C4orf50: variants seen among roughly 807,000 people sequenced by gnomAD.
The protein encoded by C4orf50 is chromosome 4 open reading frame 50.
In C4orf50, 80 loss-of-function variants were observed where a neutral mutation model predicts 77.2. The observed-to-expected ratio is 1.04, with a 90% CI of 0.87 to 1.25. C4orf50 has a LOEUF of 1.25. Ranked by LOEUF, C4orf50 falls within the 50% of genes most tolerant of loss-of-function variation. The probability of loss-of-function intolerance (pLI) is 0.00; values close to 1 mark genes in which losing one functional copy is unlikely to be tolerated. For missense variants in C4orf50, 1,257 were observed against 1,152.9 expected, an observed-to-expected ratio of 1.09 and a Z score of -1.31; for synonymous variants, 532 against 465.3, an observed-to-expected ratio of 1.14 and a Z score of -1.84.
At position 5,950,456 on chromosome 4, in the gene C4orf50, G is replaced by A. The variant is rs945691240; in HGVS notation, c.*2474+6445C>T. On this transcript the variant is annotated intron_variant, in intron 7 of 7. Transcript: ENST00000324058. ...CATTGTCGACGTTGCTGATGACTAC[G>A]TGAGGTTCCTTTTATTATTCTCTGT... Among the ~76,000 whole-genome samples the A allele has an allele frequency of 3.3e-5, 5 of 152,164 alleles. No homozygotes were observed. In the South Asian group the frequency reaches 8.3e-4, roughly 25 times the overall value.
At chr4:5,973,684 G>T in exon 31 of C4orf50, 1 of 1,613,396 alleles carries the variant, frequency 6.2e-7, no homozygotes, top group Non-Finnish European at 8.5e-7. Flanking sequence ...AGCCAGGAAG[G>T]TGGCCGTGTA....
At chr4:5,980,418 TC>T in intron 28 of C4orf50, 80 bp from the exon 7 acceptor site, 1 of 1,303,318 alleles carries the variant, frequency 7.7e-7, no homozygotes, top group Non-Finnish European at 1.0e-6. Flanking sequence ...GGTACCCGTT[TC>T]CCCACTCCGT....
chr4:5,986,971 C>A (rs1256049821), intron 28 of C4orf50, among the ~76,000 whole-genome samples: 1 of 152,122 alleles, frequency 6.6e-6, no homozygotes, highest in Non-Finnish European at 1.5e-5. Flanking sequence ...GACTTCATCT[C>A]AAAATGTGTG....
chr4:5,929,845 G>T (rs1263775137), intron 7 of C4orf50, among the ~76,000 whole-genome samples: 1 of 152,226 alleles, frequency 6.6e-6, no homozygotes, highest in East Asian at 1.9e-4. Context: ...GCAATTAAGT[G>T]TTGAAGATGC....
chr4:5,897,692 C>G (rs889889056), exon 8 of C4orf50: 2 of 152,196 alleles, frequency 1.3e-5, no homozygotes, highest in African/African-American at 4.8e-5. Flanking sequence ...ATCTCAGTAA[C>G]AAGAGAAAAT....
Position 5,988,413 on chromosome 4 carries a change from CT to C in C4orf50, c.3632del (p.Glu1211GlyfsTer15). On this transcript the variant is annotated frameshift_variant, in exon 28 of 34. Coordinates refer to ENST00000531445, the Ensembl canonical transcript of C4orf50. LOFTEE classifies it high-confidence loss of function. ...CCACAGAACACCTGGGCCTCTTCTC[CT>C]CTTTCTCCAAATGTGCTTCTTTCAC... is the stretch of plus-strand genomic sequence containing the variant. The C allele has an allele frequency of 6.2e-7, 1 of 1,610,916 alleles. No homozygotes were observed. The highest frequency in any genetic ancestry group is 8.5e-7 in the Non-Finnish European group (1 of 1,179,306).
intron 7 of C4orf50, among the ~76,000 whole-genome samples, chr4:5,944,082 G>A (rs1455511222): frequency 2.6e-5 from 4 of 152,164 alleles, no homozygotes; most frequent in Non-Finnish European, 5.9e-5. Context: ...GACATACAGA[G>A]ACAAATAGAC....
intron 26 of C4orf50, 129 bp from the exon 5 acceptor site, chr4:5,993,059 C>CG (rs1408452160): frequency 3.3e-5 from 13 of 396,470 alleles, no homozygotes; most frequent in Non-Finnish European, 4.9e-5. Flanking sequence ...GTGAGCCTCC[C>CG]AAGGGCAGCC....
At chr4:5,912,256 CGTGTGTGTGTGTGTGTGT>C (rs58017259) in intron 7 of C4orf50, among the ~76,000 whole-genome samples, 1 of 146,312 alleles carries the variant, frequency 6.8e-6, no homozygotes, top group Admixed American at 6.8e-5. Flanking sequence ...GCACTCCACT[CGTGTGTGTGTGTGTGTGT>C]GTGTGTGTGT....
At chr4:5,979,900 G>A (rs1466234848) in intron 29 of C4orf50, among the ~76,000 whole-genome samples, 1 of 152,178 alleles carries the variant, frequency 6.6e-6, no homozygotes, top group Non-Finnish European at 1.5e-5. Context: ...CAGAGGAAAG[G>A]CTTTGACTTT....
intron 7 of C4orf50, among the ~76,000 whole-genome samples, chr4:5,934,209 G>A (rs543586576): frequency 2.6e-5 from 4 of 152,140 alleles, no homozygotes; most frequent in East Asian, 1.9e-4. Context: ...GTAAGGCGAG[G>A]TGGACAGTGT....
rs1716525316 is a variant in C4orf50, at chr4:5,905,830, G to GTGATCTGGGA, written c.*2475-7643_*2475-7642insTCCCAGATCA. Among the ~76,000 whole-genome samples the GTGATCTGGGA allele has an allele frequency of 6.6e-6, 1 of 151,790 alleles. No homozygotes were observed. The highest frequency in any genetic ancestry group is 1.5e-5 in the Non-Finnish European group (1 of 68,036). On this transcript the variant is annotated intron_variant, in intron 7 of 7. Coordinates refer to the C4orf50 transcript ENST00000324058. The surrounding 1 kb of genome is among the most constrained non-coding windows in gnomAD (Gnocchi z 5.4). ...AACTGAAGAAGAAAGACAAACTGGG[G>GTGATCTGGGA]TGCTCTGGGATGTCGTCATTTGTTC...
intron 7 of C4orf50, chr4:5,904,521 G>T (rs1009636907): frequency 2.0e-5 from 3 of 152,246 alleles, no homozygotes; most frequent in African/African-American, 7.2e-5. Flanking sequence ...GCCACTGGAA[G>T]ACTGTGCCAC....
At chr4:5,968,840 A>C (rs1273161918) in intron 31 of C4orf50, among the ~76,000 whole-genome samples, 1 of 152,182 alleles carries the variant, frequency 6.6e-6, no homozygotes, top group African/African-American at 2.4e-5. Flanking sequence ...ATACACCGAC[A>C]GAGTAGCCTC....
intron 25 of C4orf50, among the ~76,000 whole-genome samples, chr4:5,995,554 C>T (rs373259539): frequency 3.3e-5 from 5 of 151,644 alleles, no homozygotes; most frequent in African/African-American, 1.2e-4. Context: ...GGGCTGGGCA[C>T]AGGTCTCCTC....
chr4:5,956,261 T>C (rs964885026), downstream of C4orf50, among the ~76,000 whole-genome samples: 1 of 152,190 alleles, frequency 6.6e-6, no homozygotes, highest in African/African-American at 2.4e-5. Flanking sequence ...TCATGATTTC[T>C]CCTAGCTTGG....
chr4:5,941,336 C>T (rs1718254601), intron 7 of C4orf50, among the ~76,000 whole-genome samples: 1 of 152,176 alleles, frequency 6.6e-6, no homozygotes, highest in African/African-American at 2.4e-5. Context: ...AACTTGGCTA[C>T]AGTTGCAGAG....
intron 7 of C4orf50, among the ~76,000 whole-genome samples, chr4:5,909,852 T>C (rs115256577): frequency 0.023 from 3,429 of 152,320 alleles, 51 homozygotes; most frequent in Middle Eastern, 0.048. Context: ...TCTATTCTGT[T>C]CCATTGATCT....
chr4:6,008,070 C>T lies in C4orf50; in HGVS notation c.889G>A (p.Glu297Lys), dbSNP rs1325901511. 2.5e-6 allele frequency: 1 copy of T among 399,144 alleles called. No individual in the cohort carries two copies. The highest frequency in any genetic ancestry group is 2.1e-5 in the African/African-American group (1 of 48,642). The allele number at this position is 399,144 out of a possible 1,614,324, so 24.7% of individuals were successfully genotyped here. A position where few individuals can be genotyped will look rare whatever the true frequency, so the allele number is the denominator to read the frequency against. Residue 297 changes from glutamate (E) to lysine (K), a missense_variant, in exon 25 of 34, where the codon GAG (glutamate) becomes AAG (lysine). Coordinates refer to ENST00000531445, the Ensembl canonical transcript of C4orf50. This position sits in a 1 kb window ranked among gnomAD's most constrained non-coding sequence, Gnocchi z 6.0. ...CACTGGTTTTGCTGGGCGAGGTCCT[C>T]CACCTGGCCCTGCAGGCCAATCTCT...
Sources: allele counts gnomAD v4.1 joint callset (sites outside exome capture counted in the v4.1 genomes callset), GRCh38; gene constraint gnomAD v4.1.1; non-coding constraint Gnocchi (gnomAD v3.1); transcripts MANE v1.5; gene names NCBI Gene and HGNC (gene_info 2026-07-23, HGNC 2026-07-21).